MCPH1: variants seen among roughly 807,000 people sequenced by gnomAD.
MCPH1 encodes microcephalin 1.
Under a neutral mutation model 84.5 loss-of-function variants are expected in MCPH1, and 104 were observed. The observed-to-expected ratio is 1.23, with a 90% CI of 1.05 to 1.45. The LOEUF (loss-of-function observed/expected upper bound fraction) is 1.45. Ranked by LOEUF, MCPH1 falls within the 40% of genes most tolerant of loss-of-function variation. The pLI is 0.00. For synonymous variants in MCPH1, 514 were observed against 366.8 expected, an observed-to-expected ratio of 1.40 and a Z score of -4.58; for missense variants, 1,498 against 1,005.7, an observed-to-expected ratio of 1.49 and a Z score of -6.62.
intron 12 of MCPH1, among the ~76,000 whole-genome samples, chr8:6,580,558 G>C (rs1009459944): frequency 2.6e-5 from 4 of 152,202 alleles, no homozygotes; most frequent in Non-Finnish European, 5.9e-5. Flanking sequence ...GGGAGGCTGA[G>C]GCAGAATTGC....
chr8:6,414,628 G>C, intron 2 of MCPH1, 137 bp from the exon 3 acceptor site: 3 of 830,092 alleles, frequency 3.6e-6, no homozygotes, highest in Non-Finnish European at 5.6e-6. Context: ...GTTTTAAGCA[G>C]CGTTATGCAT....
In MCPH1 at chr8:6,588,225, T is replaced by G. The variant is rs529595362; in HGVS notation, c.2215-33229T>G. Among the ~76,000 whole-genome samples the G allele has an allele frequency of 2.0e-5, 3 of 152,210 alleles. No homozygotes were observed. The East Asian group carries it at 5.8e-4, about 29-fold the overall frequency. On this transcript the variant is annotated intron_variant, in intron 12 of 13. Transcript: ENST00000344683. ...ACCTTCTCCTAGTCCAGGAAGGGAATAGCAGCAGCTGCTCTCAGTGGGGCA... is the reference window on the plus strand; with the variant it reads ...ACCTTCTCCTAGTCCAGGAAGGGAAGAGCAGCAGCTGCTCTCAGTGGGGCA...
At chr8:6,433,078 T>C (rs556282933) in intron 4 of MCPH1, among the ~76,000 whole-genome samples, 1 of 152,286 alleles carries the variant, frequency 6.6e-6, no homozygotes, top group East Asian at 1.9e-4. Context: ...TGAGTTGCCT[T>C]CTCTTCCCCA....
At chr8:6,488,489 A>G (rs1810195212) in intron 11 of MCPH1, among the ~76,000 whole-genome samples, 1 of 152,216 alleles carries the variant, frequency 6.6e-6, no homozygotes, top group African/African-American at 2.4e-5. Context: ...AGATGCAACC[A>G]CAGGCTTGAT....
At chr8:6,527,957 A>G (rs1222573507) in intron 12 of MCPH1, among the ~76,000 whole-genome samples, 1 of 147,258 alleles carries the variant, frequency 6.8e-6, no homozygotes, top group African/African-American at 2.5e-5. Context: ...GTGCAGTGGC[A>G]TGATCTCGGC....
In MCPH1 at chr8:6,458,427, G is replaced by A. The variant is rs570105130; in HGVS notation, c.1935+3175G>A. Among the ~76,000 whole-genome samples the A allele has an allele frequency of 1.1e-4, 17 of 149,406 alleles. No individual in the cohort carries two copies. The South Asian group carries it at 1.9e-3, about 17-fold the overall frequency. On this transcript the variant is annotated intron_variant, in intron 9 of 13. Coordinates refer to ENST00000344683, the MANE Select transcript of MCPH1 (RefSeq NM_024596.5). Reference sequence around the variant, plus strand: ...GCGGAGATTGCAGTGAGCTGAGATCGTGCCACTGCATTCCAGCCTGGGCAA... The same window carrying A: ...GCGGAGATTGCAGTGAGCTGAGATCATGCCACTGCATTCCAGCCTGGGCAA...
intron 9 of MCPH1, among the ~76,000 whole-genome samples, chr8:6,473,149 G>A (rs1277025321): frequency 6.6e-6 from 1 of 151,910 alleles, no homozygotes; most frequent in African/African-American, 2.4e-5. Flanking sequence ...AAAGAAACAG[G>A]CTCATCAATA....
At chr8:6,636,353 AG>A (rs913724273) in intron 13 of MCPH1, among the ~76,000 whole-genome samples, 1 of 151,436 alleles carries the variant, frequency 6.6e-6, no homozygotes, top group Non-Finnish European at 1.5e-5. Flanking sequence ...AAAAAAAAAA[AG>A]TCACAGTCAG....
chr8:6,581,524 A>G (rs1318600396), intron 12 of MCPH1, among the ~76,000 whole-genome samples: 1 of 152,268 alleles, frequency 6.6e-6, no homozygotes, highest in East Asian at 1.9e-4. Flanking sequence ...TAATTTAAAC[A>G]TCAGGATCTC....
chr8:6,520,932 T>C (rs373794162), intron 12 of MCPH1, among the ~76,000 whole-genome samples: 2 of 152,230 alleles, frequency 1.3e-5, no homozygotes, highest in African/African-American at 4.8e-5. Flanking sequence ...TAATTAATGA[T>C]GGAACTAACT....
At chr8:6,611,693 C>T (rs944567028) in intron 12 of MCPH1, among the ~76,000 whole-genome samples, 2 of 152,136 alleles carry the variant, frequency 1.3e-5, no homozygotes, top group Non-Finnish European at 1.5e-5. Flanking sequence ...ATCTCAGCTC[C>T]CTGCAAGCTC....
At chr8:6,420,723 C>G (rs1273765606) in intron 3 of MCPH1, among the ~76,000 whole-genome samples, 8 of 152,248 alleles carry the variant, frequency 5.3e-5, no homozygotes, top group Middle Eastern at 3.4e-3. Context: ...CAGCCTCATG[C>G]CTGTCTGTTT....
chr8:6,407,091 C>T (rs544747173), intron 1 of MCPH1: 2 of 326,032 alleles, frequency 6.1e-6, no homozygotes, highest in East Asian at 1.8e-4. Flanking sequence ...CCTGCTTTCA[C>T]CCCTGCTGCC....
intron 2 of MCPH1, 135 bp from the exon 3 acceptor site, chr8:6,414,630 G>A (rs747437148): frequency 2.7e-5 from 23 of 862,690 alleles, no homozygotes; most frequent in African/African-American, 5.1e-5. Context: ...TTTAAGCAGC[G>A]TTATGCATTC....
At chr8:6,425,198 C>G (rs1316483690) in intron 3 of MCPH1, among the ~76,000 whole-genome samples, 1 of 152,170 alleles carries the variant, frequency 6.6e-6, no homozygotes, top group Non-Finnish European at 1.5e-5. Flanking sequence ...GAGAACGTTG[C>G]TGCTTTGATT....
chr8:6,462,853 C>T (rs987888778), intron 9 of MCPH1, among the ~76,000 whole-genome samples: 1 of 152,212 alleles, frequency 6.6e-6, no homozygotes, highest in Admixed American at 6.5e-5. Flanking sequence ...TAGCTATTTT[C>T]TTCAGCACCA....
intron 12 of MCPH1, among the ~76,000 whole-genome samples, chr8:6,580,027 A>G (rs1827427163): frequency 6.6e-6 from 1 of 152,120 alleles, no homozygotes; most frequent in Non-Finnish European, 1.5e-5. Context: ...GTCAGGTTCA[A>G]ACTCCTGGGT....
chr8:6,515,078 A>AG (rs112968706), intron 12 of MCPH1, among the ~76,000 whole-genome samples: 9,209 of 152,132 alleles, frequency 0.061, 315 homozygotes, highest in African/African-American at 0.08. Context: ...TGGCTGGTCC[A>AG]GAGATTGCTG....
chr8:6,532,571 C>G lies in MCPH1; in HGVS notation c.2214+32642C>G, dbSNP rs1819722915. On this transcript the variant is annotated intron_variant, in intron 12 of 13. Coordinates refer to ENST00000344683, the MANE Select transcript of MCPH1 (RefSeq NM_024596.5). Reference sequence around the variant, plus strand: ...TAAATGTTTGTCGTCTCCTCCCTATCTTTAAAAAAAAAAAAAAAAAATCTA... The same window carrying G: ...TAAATGTTTGTCGTCTCCTCCCTATGTTTAAAAAAAAAAAAAAAAAATCTA... 7.6e-6 allele frequency: 5 copies of G among 654,958 alleles called. No individual in the cohort carries two copies. The African/African-American group carries it at 1.1e-4, about 14-fold the overall frequency. The allele number at this position is 654,958 out of a possible 1,614,324, so 40.6% of individuals were successfully genotyped here.
Sources: allele counts gnomAD v4.1 joint callset (sites outside exome capture counted in the v4.1 genomes callset), GRCh38; gene constraint gnomAD v4.1.1; transcripts MANE v1.5; gene names NCBI Gene and HGNC (gene_info 2026-07-23, HGNC 2026-07-21).